DPP10: variants seen among roughly 807,000 people sequenced by gnomAD.
DPP10 encodes inactive dipeptidyl peptidase 10.
A neutral mutation model predicts 120.9 loss-of-function variants in DPP10; 33 were observed. The observed-to-expected ratio is 0.27, with a 90% CI of 0.21 to 0.37. The LOEUF is 0.37. Ranked by LOEUF, DPP10 falls within the 10% of genes least tolerant of loss-of-function variation. The pLI is 1.00. For synonymous variants in DPP10, 337 were observed against 326.1 expected (o/e 1.03, Z -0.36); for missense variants, 816 against 942.8 (o/e 0.87, Z 1.76).
intron 3 of DPP10, among the ~76,000 whole-genome samples, chr2:115,399,355 CTA>C (rs1163878241): frequency 6.6e-6 from 1 of 152,110 alleles, no homozygotes; most frequent in Admixed American, 6.6e-5. Context: ...ATAGTATAAA[CTA>C]TGATCAAAAC....
At chr2:114,630,398 G>A (rs1396865095) in intron 1 of DPP10, among the ~76,000 whole-genome samples, 2 of 152,086 alleles carry the variant, frequency 1.3e-5, no homozygotes, top group South Asian at 2.1e-4. Flanking sequence ...TAATTCCAAC[G>A]TTATAGGACA....
At chr2:115,030,731 T>C (rs1346845691) in intron 1 of DPP10, among the ~76,000 whole-genome samples, 3 of 152,174 alleles carry the variant, frequency 2.0e-5, no homozygotes, top group Admixed American at 2.0e-4. Flanking sequence ...AGTGAGAACA[T>C]GCAGTATTTG....
intron 1 of DPP10, among the ~76,000 whole-genome samples, chr2:114,957,308 G>A (rs921781787): frequency 1.3e-5 from 2 of 151,752 alleles, no homozygotes; most frequent in Non-Finnish European, 2.9e-5. Context: ...TATATATTTT[G>A]TAATATATAT....
chr2:115,395,314 A>C (rs2067604286), intron 3 of DPP10, among the ~76,000 whole-genome samples: 1 of 152,172 alleles, frequency 6.6e-6, no homozygotes, highest in Non-Finnish European at 1.5e-5. Context: ...GATGCCAGTC[A>C]GACTGGATTA....
intron 1 of DPP10, among the ~76,000 whole-genome samples, chr2:114,985,398 C>A (rs888184969): frequency 2.6e-5 from 4 of 152,158 alleles, no homozygotes; most frequent in African/African-American, 9.7e-5. Context: ...ACAGCAGTTG[C>A]CACAGTCTAA....
chr2:115,538,192 AG>A (rs537259511), intron 5 of DPP10, among the ~76,000 whole-genome samples: 56 of 152,146 alleles, frequency 3.7e-4, no homozygotes, highest in African/African-American at 1.3e-3. Context: ...CCTGAAACAA[AG>A]GAAGTAAATT....
At chr2:115,258,043 T>C (rs772721662) in intron 1 of DPP10, among the ~76,000 whole-genome samples, 20 of 152,184 alleles carry the variant, frequency 1.3e-4, no homozygotes, top group Non-Finnish European at 2.8e-4. Context: ...ATTCCTTAAA[T>C]GGAAACAGCT....
chr2:115,200,754 C>T (rs962926797), intron 1 of DPP10, among the ~76,000 whole-genome samples: 1 of 152,126 alleles, frequency 6.6e-6, no homozygotes, highest in South Asian at 2.1e-4. Context: ...TCTCATAAAT[C>T]GCAATTTTAT....
chr2:114,632,221 T>C, intron 1 of DPP10, among the ~76,000 whole-genome samples: 1 of 152,154 alleles, frequency 6.6e-6, no homozygotes, highest in Non-Finnish European at 1.5e-5. Flanking sequence ...TTGGCTAATA[T>C]TGTTACTTTA....
At chr2:114,628,025 A>G (rs1342661150) in intron 1 of DPP10, among the ~76,000 whole-genome samples, 2 of 152,094 alleles carry the variant, frequency 1.3e-5, no homozygotes, top group Non-Finnish European at 2.9e-5. Context: ...TGATGAAAAC[A>G]TTTTTTGGAG....
chr2:114,694,294 T>C (rs534020662), intron 1 of DPP10, among the ~76,000 whole-genome samples: 45 of 152,082 alleles, frequency 3.0e-4, no homozygotes, highest in African/African-American at 1.0e-3. Context: ...TCATTAATTA[T>C]AAAAGACACA....
chr2:115,483,680 A>C (rs2075587560), intron 3 of DPP10, among the ~76,000 whole-genome samples: 1 of 152,134 alleles, frequency 6.6e-6, no homozygotes, highest in African/African-American at 2.4e-5. Flanking sequence ...TACTCTCCAC[A>C]TTCATGTTCT....
chr2:115,191,099 G>T (rs2054848691), intron 1 of DPP10, among the ~76,000 whole-genome samples: 1 of 152,164 alleles, frequency 6.6e-6, no homozygotes, highest in Admixed American at 6.5e-5. Flanking sequence ...GCTTAACGAA[G>T]GGGAAGAACT....
intron 1 of DPP10, among the ~76,000 whole-genome samples, chr2:114,977,774 ATAT>A (rs1403164151): frequency 6.6e-6 from 1 of 152,018 alleles, no homozygotes; most frequent in East Asian, 1.9e-4. Flanking sequence ...AACTGGAGAA[ATAT>A]TATTAAGGTT....
At chr2:115,406,283 C>G (rs1031136116) in intron 3 of DPP10, among the ~76,000 whole-genome samples, 9 of 152,214 alleles carry the variant, frequency 5.9e-5, no homozygotes, top group Admixed American at 3.9e-4. Flanking sequence ...GAGGTCTCAT[C>G]TGAATGGCTT....
chr2:115,713,503 G>A (rs1575586000), intron 7 of DPP10, among the ~76,000 whole-genome samples: 2 of 152,206 alleles, frequency 1.3e-5, no homozygotes, highest in East Asian at 1.9e-4. Flanking sequence ...TGACATGAAA[G>A]ATTTATGTGA....
chr2:115,836,177 A>G lies in DPP10; in HGVS notation c.1971A>G (p.Ala657=), dbSNP rs200764067. Residue 657 remains alanine (A), a synonymous_variant, in exon 22 of 26, where the codon GCA becomes GCG. Transcript: ENST00000410059. ...IFGKGYGGYI[A]SMILKSDEKL... ...CCCAGGGTTATGGTGGCTATATTGCATCAATGATCTTAAAATCAGATGAAA... is the reference window on the plus strand; with the variant it reads ...CCCAGGGTTATGGTGGCTATATTGCGTCAATGATCTTAAAATCAGATGAAA... The G allele has an allele frequency of 1.2e-4, 192 of 1,602,526 alleles. No individual in the cohort carries two copies. Among genetic ancestry groups the G allele is most frequent in the Middle Eastern group, 8.3e-4 (5 of 6,014 alleles).
intron 1 of DPP10, among the ~76,000 whole-genome samples, chr2:114,635,487 T>C (rs1406797511): frequency 6.6e-6 from 1 of 151,978 alleles, no homozygotes; most frequent in Non-Finnish European, 1.5e-5. Context: ...TGTGATTAAC[T>C]AGCTAATTTA....
intron 5 of DPP10, among the ~76,000 whole-genome samples, chr2:115,622,822 GTTTA>G (rs200953021): frequency 0.016 from 2,009 of 123,298 alleles, 52 homozygotes; most frequent in African/African-American, 0.054. Flanking sequence ...ACCCCCATTC[GTTTA>G]TTCTTTTTTT....
Sources: allele counts gnomAD v4.1 joint callset (sites outside exome capture counted in the v4.1 genomes callset), GRCh38; gene constraint gnomAD v4.1.1; transcripts MANE v1.5; gene names NCBI Gene and HGNC (gene_info 2026-07-23, HGNC 2026-07-21).